CACNA1C: variants seen among roughly 807,000 people sequenced by gnomAD.
The protein encoded by CACNA1C is calcium voltage-gated channel subunit alpha1 C.
A neutral mutation model predicts 229.0 loss-of-function variants in CACNA1C; 30 were observed. The observed-to-expected ratio is 0.13, with a 90% CI of 0.10 to 0.18. The LOEUF is 0.18. Among genes scored for constraint, CACNA1C ranks in the 10% least tolerant of loss-of-function variants. CACNA1C has a pLI of 1.00. For missense variants in CACNA1C, 1,658 were observed against 2,845.0 expected (o/e 0.58, Z 9.49); for synonymous variants, 1,114 against 1,132.5 (o/e 0.98, Z 0.33).
rs1054522002 is a variant in CACNA1C at position 2,101,011 on chromosome 12, A to G, written c.50-14213A>G. The stretch of plus-strand genomic sequence containing the variant: ...GGGTGAGACCCATCTCAAAAAAAAA[A>G]AAAAAAGAAAAAAGAAAAAAAATTG... On this transcript the variant is annotated intron_variant, in intron 1 of 46. Transcript: ENST00000399655. 5.9e-5 allele frequency among the ~76,000 whole-genome samples: 9 copies of G among 152,066 alleles called. 1 individual carries two copies. The South Asian group carries it at 1.0e-3, about 18-fold the overall frequency.
intron 3 of CACNA1C, among the ~76,000 whole-genome samples, chr12:2,271,790 G>A (rs2085122250): frequency 6.6e-6 from 1 of 152,076 alleles, no homozygotes; most frequent in Non-Finnish European, 1.5e-5. Context: ...CAGCTACTTG[G>A]GAGGCTAAGG....
intron 6 of CACNA1C, among the ~76,000 whole-genome samples, chr12:2,487,164 A>C (rs918279453): frequency 5.3e-5 from 8 of 151,982 alleles, no homozygotes; most frequent in Admixed American, 4.6e-4. Context: ...CACCCACCCC[A>C]AAGGGGCTAG....
intron 5 of CACNA1C, among the ~76,000 whole-genome samples, chr12:2,474,463 G>A (rs1186046256): frequency 1.3e-5 from 2 of 152,168 alleles, no homozygotes; most frequent in East Asian, 3.8e-4. Flanking sequence ...CCCATAAGAA[G>A]TACAGGCCAG....
intron 1 of CACNA1C, among the ~76,000 whole-genome samples, chr12:2,017,672 T>TTC: frequency 6.6e-6 from 1 of 151,872 alleles, no homozygotes; most frequent in East Asian, 1.9e-4. Context: ...TTTTTTTTTT[T>TTC]CTGACCTAAT....
At chr12:2,304,668 C>A (rs2094868152) in intron 3 of CACNA1C, among the ~76,000 whole-genome samples, 1 of 152,214 alleles carries the variant, frequency 6.6e-6, no homozygotes, top group African/African-American at 2.4e-5. Context: ...AAGCACATTC[C>A]CAGGAGGCTC....
chr12:2,290,267 G>A (rs2093336700), intron 3 of CACNA1C, among the ~76,000 whole-genome samples: 1 of 152,166 alleles, frequency 6.6e-6, no homozygotes, highest in South Asian at 2.1e-4. Context: ...AGGCAATTGG[G>A]GATTGGGGGC....
At chr12:2,523,812 C>T (rs1443808669) in intron 9 of CACNA1C, among the ~76,000 whole-genome samples, 1 of 152,188 alleles carries the variant, frequency 6.6e-6, no homozygotes, top group African/African-American at 2.4e-5. Context: ...TCCTGAGTTT[C>T]CCTTTGATCC....
At chr12:2,219,528 G>A (rs1215539332) in intron 3 of CACNA1C, among the ~76,000 whole-genome samples, 1 of 152,152 alleles carries the variant, frequency 6.6e-6, no homozygotes, top group African/African-American at 2.4e-5. Context: ...ACAGAATGAA[G>A]TATTTTTGGG....
chr12:2,201,349 A>T (rs1020186986), intron 3 of CACNA1C, among the ~76,000 whole-genome samples: 3 of 152,222 alleles, frequency 2.0e-5, no homozygotes, highest in Non-Finnish European at 4.4e-5. Context: ...GTGTTAGGTT[A>T]TAAAGCCCTA....
rs571808628 is a variant in CACNA1C, at chr12:2,033,937, A to T, written c.139+62736A>T. ...CCGAGAGAAGCACTGACAGAGAAAG[A>T]CAGAGGAGCATGGAAGAGGATGGGA... On this transcript the variant is annotated intron_variant, in intron 1 of 46. Transcript: ENST00000682462. Among the ~76,000 whole-genome samples, 19 of 152,350 alleles carry T rather than the reference A, an allele frequency of 1.2e-4. No homozygotes were observed. In the East Asian group the frequency reaches 3.7e-3, roughly 29 times the overall value.
intron 18 of CACNA1C, among the ~76,000 whole-genome samples, chr12:2,586,794 C>G (rs1163049280): frequency 6.6e-6 from 1 of 152,214 alleles, no homozygotes; most frequent in African/African-American, 2.4e-5. Context: ...GAACCAGACT[C>G]CCTGTGGTCA....
intron 3 of CACNA1C, among the ~76,000 whole-genome samples, chr12:2,263,536 G>A (rs2081176887): frequency 6.6e-6 from 1 of 152,124 alleles, no homozygotes; most frequent in African/African-American, 2.4e-5. Context: ...GCTTCTCGGT[G>A]TTGGTAGAAG....
intron 7 of CACNA1C, among the ~76,000 whole-genome samples, chr12:2,495,775 C>T (rs1200422396): frequency 6.6e-6 from 1 of 152,202 alleles, no homozygotes; most frequent in South Asian, 2.1e-4. Context: ...CCCAAAATGG[C>T]CATGTTGTGT....
intron 5 of CACNA1C, among the ~76,000 whole-genome samples, chr12:2,475,958 A>T (rs1316146038): frequency 2.6e-5 from 4 of 152,236 alleles, no homozygotes; most frequent in Admixed American, 2.0e-4. Context: ...ACATTGTAAC[A>T]TCCCCCTTTC....
At chr12:2,314,822 A>G (rs1317933573) in intron 3 of CACNA1C, among the ~76,000 whole-genome samples, 1 of 152,112 alleles carries the variant, frequency 6.6e-6, no homozygotes, top group Non-Finnish European at 1.5e-5. Flanking sequence ...TACTTTAATT[A>G]CCTGTAATGC....
At chr12:2,188,189 A>G (rs1178451109) in intron 3 of CACNA1C, among the ~76,000 whole-genome samples, 1 of 152,152 alleles carries the variant, frequency 6.6e-6, no homozygotes, top group Non-Finnish European at 1.5e-5. Flanking sequence ...ATAGTTGGCA[A>G]CTCTGCCTTT....
intron 11 of CACNA1C, among the ~76,000 whole-genome samples, chr12:2,562,809 T>C (rs778702160): frequency 6.6e-6 from 1 of 152,218 alleles, no homozygotes; most frequent in Non-Finnish European, 1.5e-5. Context: ...AGGTGTACAA[T>C]GTGCAAAAAT....
chr12:2,188,046 A>G (rs773984747), intron 3 of CACNA1C, among the ~76,000 whole-genome samples: 10 of 152,174 alleles, frequency 6.6e-5, no homozygotes, highest in Non-Finnish European at 1.2e-4. Context: ...CAGCCTGCCT[A>G]GGAGGCTTTT....
chr12:2,206,718 C>T (rs2097766447), intron 3 of CACNA1C, among the ~76,000 whole-genome samples: 1 of 152,186 alleles, frequency 6.6e-6, no homozygotes, highest in Non-Finnish European at 1.5e-5. Context: ...TCAGCTGTCA[C>T]ATCTACTAAC....
Sources: gnomAD v4.1 joint callset for allele counts (sites outside exome capture counted in the v4.1 genomes callset) on GRCh38, gnomAD v4.1.1 for gene constraint, MANE v1.5 for transcripts, NCBI Gene and HGNC (gene_info 2026-07-23, HGNC 2026-07-21) for gene names.